Variants in LMAN1 observed in about 807,000 individuals in gnomAD.
LMAN1 encodes the protein lectin, mannose binding 1, also known as protein ERGIC-53.
In LMAN1, 32 loss-of-function variants were observed where a neutral mutation model predicts 67.8. The observed-to-expected ratio is 0.47, with a 90% CI of 0.36 to 0.63. The LOEUF is 0.63. LMAN1 is among the 30% of genes least tolerant of loss of function. LMAN1 has a pLI of 0.00. For missense variants in LMAN1, 632 were observed against 628.2 expected, an observed-to-expected ratio of 1.01 and a Z score of -0.06; for synonymous variants, 235 against 219.3, an observed-to-expected ratio of 1.07 and a Z score of -0.63.
chr18:59,336,387 T>C (rs41528645), intron 10 of LMAN1, among the ~76,000 whole-genome samples: 8,579 of 151,854 alleles, frequency 0.056, 311 homozygotes, highest in Middle Eastern at 0.13. Context: ...GATGCCAACA[T>C]GAAGGAGCTC....
At chr18:59,341,794 C>T (rs1908294077) in intron 8 of LMAN1, among the ~76,000 whole-genome samples, 1 of 151,890 alleles carries the variant, frequency 6.6e-6, no homozygotes, top group Admixed American at 6.6e-5. Flanking sequence ...AAGAACAAAC[C>T]AAACCCAAAG....
intron 8 of LMAN1, 101 bp downstream of exon 8, chr18:59,345,818 C>T: frequency 1.1e-5 from 15 of 1,360,804 alleles, no homozygotes; most frequent in Non-Finnish European, 5.2e-6. Context: ...TGTGCCTGTT[C>T]AGAGAGCAGG....
chr18:59,332,311 T>C (rs2070752518), intron 11 of LMAN1, among the ~76,000 whole-genome samples: 1 of 152,026 alleles, frequency 6.6e-6, no homozygotes, highest in South Asian at 2.1e-4. Context: ...TGAGAGGTCA[T>C]GATCAATAAG....
rs7243863 is a variant in LMAN1 at position 59,354,048 on chromosome 18, C to T, written c.539+471G>A. The stretch of plus-strand genomic sequence containing the variant: ...GTTGAATCCACAGATACGGAACCCA[C>T]AAATACAGAGGGTTGACTGTACTGA... On this transcript the variant is annotated intron_variant, in intron 4 of 12. Transcript: ENST00000251047. 4.4e-3 allele frequency among the ~76,000 whole-genome samples: 668 copies of T among 152,248 alleles called. 11 individuals are homozygous for T. The highest frequency in any genetic ancestry group is 0.015 in the African/African-American group (631 of 41,544).
Position 59,331,556 on chromosome 18 carries a change from T to C in LMAN1, c.1375-17A>G, listed in dbSNP as rs753971003. Reference sequence around the variant, plus strand: ...ATTTGATGGCTGTAAGGCAAATGACTTTCTATTACAGTTAGTCAAAATAGC... The same window carrying C: ...ATTTGATGGCTGTAAGGCAAATGACCTTCTATTACAGTTAGTCAAAATAGC... On this transcript the variant is annotated splice_polypyrimidine_tract_variant and intron_variant, in intron 11 of 12. Transcript: ENST00000251047. The C allele has an allele frequency of 6.2e-7, 1 of 1,612,396 alleles. No individual in the cohort carries two copies.
intron 5 of LMAN1, 122 bp downstream of exon 5, chr18:59,353,079 TA>T: frequency 1.2e-6 from 1 of 840,616 alleles, no homozygotes. Flanking sequence ...TCTCTTAGAG[TA>T]ACAATGAAGA....
chr18:59,352,864 G>T, intron 5 of LMAN1: 1 of 346,688 alleles, frequency 2.9e-6, no homozygotes, highest in Non-Finnish European at 5.6e-6. Flanking sequence ...AAGTCCATCT[G>T]TCTTACTCAT....
At chr18:59,339,024 C>A in intron 8 of LMAN1, 71 bp from the exon 9 acceptor site, 4 of 1,351,922 alleles carry the variant, frequency 3.0e-6, no homozygotes, top group East Asian at 4.6e-5. Flanking sequence ...ACGTAAGTGA[C>A]CAAAGTGCCA....
chr18:59,337,580 C>T (rs1366288579), intron 10 of LMAN1, among the ~76,000 whole-genome samples: 1 of 151,978 alleles, frequency 6.6e-6, no homozygotes, highest in South Asian at 2.1e-4. Flanking sequence ...AAAATTAGAT[C>T]GAAATAAAAA....
chr18:59,336,718 C>CA (rs956683099), intron 10 of LMAN1, among the ~76,000 whole-genome samples: 10 of 150,682 alleles, frequency 6.6e-5, no homozygotes, highest in African/African-American at 2.2e-4. Context: ...ATCCCAACTC[C>CA]AAAAAAAATA....
At chr18:59,345,787 G>A in intron 8 of LMAN1, 132 bp downstream of exon 8, 1 of 1,056,924 alleles carries the variant, frequency 9.5e-7, no homozygotes, top group Admixed American at 2.2e-5. Context: ...CTCCTAAATT[G>A]TTTCCAGAAA....
Position 59,333,221 on chromosome 18 carries a change from C to CT in LMAN1, c.1243dup (p.Arg415LysfsTer17). On this transcript the variant is annotated frameshift_variant, in exon 11 of 13. Transcript: ENST00000251047. LOFTEE classifies it high-confidence loss of function. The stretch of plus-strand genomic sequence containing the variant: ...AGGGTGCTGCATTCCACTGACCAGT[C>CT]TGACGGTTTCACTCATGGAATTTCT... 6.2e-7 allele frequency: 1 copy of CT among 1,613,488 alleles called. No homozygotes were observed. Among genetic ancestry groups the CT allele is most frequent in the Non-Finnish European group, 8.5e-7 (1 of 1,179,722 alleles).
At chr18:59,356,161 C>T (rs1480703104) in intron 1 of LMAN1, among the ~76,000 whole-genome samples, 3 of 152,120 alleles carry the variant, frequency 2.0e-5, no homozygotes, top group South Asian at 4.1e-4. Flanking sequence ...GAGCTAGGCT[C>T]GATCACTTCC....
intron 5 of LMAN1, 87 bp downstream of exon 5, chr18:59,353,115 G>A: frequency 1.7e-6 from 2 of 1,150,040 alleles, no homozygotes; most frequent in Admixed American, 1.7e-5. Flanking sequence ...CCAAATTTAA[G>A]TGCATTTAAT....
intron 7 of LMAN1, 115 bp downstream of exon 7, chr18:59,347,398 G>T: frequency 2.2e-6 from 1 of 464,784 alleles, no homozygotes; most frequent in Non-Finnish European, 3.9e-6. Context: ...ACTTGCACAA[G>T]ACCATATAGC....
In LMAN1 at chr18:59,359,239, C is replaced by T. The variant is rs750016137; in HGVS notation, c.6G>A (p.Ala2=). The change falls in exon 1 of 13, where the codon GCG becomes GCA. Residue 2 remains alanine (A), a synonymous_variant. Coordinates refer to ENST00000251047, the MANE Select transcript of LMAN1 (RefSeq NM_005570.4). M[A]GSRQRGLRAR... ...CCCGGAGACCCCTTTGCCTGGATCC[C>T]GCCATCTTGGATTCTGGAACGCGGA... is the stretch of plus-strand genomic sequence containing the variant. 3.7e-6 allele frequency: 6 copies of T among 1,613,708 alleles called. No individual in the cohort carries two copies. In the South Asian group the frequency reaches 4.4e-5, roughly 12 times the overall value.
At chr18:59,358,598 C>T (rs1358753234) in intron 1 of LMAN1, among the ~76,000 whole-genome samples, 1 of 144,784 alleles carries the variant, frequency 6.9e-6, no homozygotes, top group Non-Finnish European at 1.5e-5. Flanking sequence ...GGGGTGGAAG[C>T]GGGAAAGGAA....
chr18:59,354,473 CA>C (rs35640465), intron 4 of LMAN1, 45 bp downstream of exon 4: 1 of 1,067,986 alleles, frequency 9.4e-7, no homozygotes, highest in Non-Finnish European at 1.5e-6. Context: ...ATAAGGATTC[CA>C]AAAAGAAGCT....
At chr18:59,347,194 G>C (rs1603395376) in intron 7 of LMAN1, among the ~76,000 whole-genome samples, 6 of 151,210 alleles carry the variant, frequency 4.0e-5, no homozygotes, top group Admixed American at 4.0e-4. Context: ...CCAGGTTCAA[G>C]TGATTCTCCA....
Sources: allele counts gnomAD v4.1 joint callset (sites outside exome capture counted in the v4.1 genomes callset), GRCh38; gene constraint gnomAD v4.1.1; transcripts MANE v1.5; gene names NCBI Gene and HGNC (gene_info 2026-07-23, HGNC 2026-07-21).